The following VPS50 variants were observed in gnomAD, a reference collection of about 807,000 sequenced individuals.
The protein encoded by VPS50 is VPS50 subunit of EARP/GARPII complex, also known as syndetin.
VPS50 carries 70 observed loss-of-function variants against 139.7 expected under a neutral mutation model. The ratio of observed to expected loss-of-function variants is 0.50; its 90% CI spans 0.41 to 0.61. The LOEUF is 0.61. Among genes scored for constraint, VPS50 ranks in the 20% least tolerant of loss-of-function variants. The probability of loss-of-function intolerance (pLI) is 0.00; values close to 1 mark genes in which losing one functional copy is unlikely to be tolerated. For missense variants in VPS50, 921 were observed against 1,133.7 expected, an observed-to-expected ratio of 0.81 and a Z score of 2.69; for synonymous variants, 365 against 376.7, an observed-to-expected ratio of 0.97 and a Z score of 0.36.
At chr7:93,270,290 G>C (rs1029712500) in intron 9 of VPS50, among the ~76,000 whole-genome samples, 1 of 151,614 alleles carries the variant, frequency 6.6e-6, no homozygotes, top group East Asian at 1.9e-4. Flanking sequence ...CAAACTTCTC[G>C]CATGTCTCAT....
At chr7:93,235,836 G>A (rs992197700) in intron 1 of VPS50, among the ~76,000 whole-genome samples, 1 of 152,162 alleles carries the variant, frequency 6.6e-6, no homozygotes, top group African/African-American at 2.4e-5. Context: ...CGAATCCAGG[G>A]TATAGCTGAA....
rs963818644 is a variant in VPS50 at position 93,360,341 on chromosome 7, A to G, written c.*1905A>G. On this transcript the variant is annotated 3_prime_UTR_variant, in exon 28 of 28. Coordinates refer to ENST00000305866, the MANE Select transcript of VPS50 (RefSeq NM_017667.4). Reference sequence around the variant, plus strand: ...TGCAATCTGACAGACCTTTTAACCTACCCTTACTTTGCTTTCTCCATCTTC... The same window carrying G: ...TGCAATCTGACAGACCTTTTAACCTGCCCTTACTTTGCTTTCTCCATCTTC... 6.7e-6 allele frequency: 1 copy of G among 149,154 alleles called. No homozygotes were observed. Among genetic ancestry groups the G allele is most frequent in the Non-Finnish European group, 1.5e-5 (1 of 67,392 alleles). The allele number at this position is 149,154 out of a possible 1,614,324, so 9.2% of individuals were successfully genotyped here.
chr7:93,235,656 C>G (rs1388219956), intron 1 of VPS50, among the ~76,000 whole-genome samples: 1 of 152,116 alleles, frequency 6.6e-6, no homozygotes, highest in Non-Finnish European at 1.5e-5. Context: ...ATAGTTTGGC[C>G]CTAGCAATTG....
intron 20 of VPS50, among the ~76,000 whole-genome samples, chr7:93,319,213 T>G (rs1294683512): frequency 1.3e-5 from 2 of 152,310 alleles, no homozygotes; most frequent in East Asian, 3.9e-4. Flanking sequence ...ACACAGTAAA[T>G]TAAACTTCTG....
At chr7:93,240,216 TGC>T (rs1491516323) in intron 2 of VPS50, among the ~76,000 whole-genome samples, 1 of 121,884 alleles carries the variant, frequency 8.2e-6, no homozygotes, top group African/African-American at 3.8e-5. Context: ...TATATGTGTA[TGC>T]ACACACACAC....
intron 12 of VPS50, among the ~76,000 whole-genome samples, chr7:93,283,247 A>C (rs1233274008): frequency 7.7e-6 from 1 of 129,626 alleles, no homozygotes; most frequent in Non-Finnish European, 1.6e-5. Flanking sequence ...TTTTTTTTTG[A>C]GGCGGAGTCT....
At chr7:93,283,334 T>A (rs966962352) in intron 12 of VPS50, among the ~76,000 whole-genome samples, 20 of 151,962 alleles carry the variant, frequency 1.3e-4, no homozygotes, top group African/African-American at 3.9e-4. Context: ...TTCAACAGGT[T>A]CAAGTGATCC....
At position 93,296,739 on chromosome 7, in the gene VPS50, C is replaced by A. The variant is rs1185544678; in HGVS notation, c.1168-3C>A. ...CTTGATTTTCTTTTTCTTTGCCTTA[C>A]AGGATGTTCAGCTAAAAGTAAAAAC... On this transcript the variant is annotated splice_region_variant and splice_polypyrimidine_tract_variant and intron_variant, in intron 14 of 27. Coordinates refer to ENST00000305866, the MANE Select transcript of VPS50 (RefSeq NM_017667.4). 6.2e-7 allele frequency: 1 copy of A among 1,600,002 alleles called. No individual in the cohort carries two copies. The highest frequency in any genetic ancestry group is 2.2e-5 in the East Asian group (1 of 44,452).
intron 23 of VPS50, among the ~76,000 whole-genome samples, chr7:93,345,601 C>T (rs1798367168): frequency 6.6e-6 from 1 of 152,138 alleles, no homozygotes; most frequent in African/African-American, 2.4e-5. Flanking sequence ...AAACCGAATC[C>T]AGCAGCACAT....
chr7:93,307,073 A>G (rs1452210979), intron 18 of VPS50, among the ~76,000 whole-genome samples: 1 of 151,920 alleles, frequency 6.6e-6, no homozygotes, highest in Admixed American at 6.6e-5. Flanking sequence ...CTTAGATAGC[A>G]TTTGATTCTC....
intron 2 of VPS50, among the ~76,000 whole-genome samples, chr7:93,249,115 C>T (rs142083160): frequency 3.3e-5 from 5 of 151,976 alleles, no homozygotes; most frequent in African/African-American, 1.2e-4. Flanking sequence ...GTTGTATGCT[C>T]TCTGTGATAC....
intron 12 of VPS50, among the ~76,000 whole-genome samples, chr7:93,281,532 A>G (rs1263412326): frequency 6.6e-6 from 1 of 152,088 alleles, no homozygotes; most frequent in Admixed American, 6.5e-5. Context: ...CATGTTTAGT[A>G]CCCATTTTGT....
intron 20 of VPS50, chr7:93,320,884 C>T (rs1384999873): frequency 1.3e-5 from 2 of 152,422 alleles, no homozygotes; most frequent in Admixed American, 1.3e-4. Context: ...AGTTACTGTC[C>T]TAGTGAATAG....
At chr7:93,324,959 T>G (rs1584471066) in intron 21 of VPS50, among the ~76,000 whole-genome samples, 1 of 152,014 alleles carries the variant, frequency 6.6e-6, no homozygotes, top group Non-Finnish European at 1.5e-5. Flanking sequence ...AAAGTTCATA[T>G]GGAACCAAAA....
rs532675190 is a variant in VPS50 at position 93,303,863 on chromosome 7, A to T, written c.1452+313A>T. Among the ~76,000 whole-genome samples, 3 of 151,944 alleles carry T rather than the reference A, an allele frequency of 2.0e-5. No individual in the cohort carries two copies. In the South Asian group the frequency reaches 6.2e-4, roughly 32 times the overall value. On this transcript the variant is annotated intron_variant, in intron 17 of 27. Coordinates refer to ENST00000305866, the MANE Select transcript of VPS50 (RefSeq NM_017667.4). ...TCAGAAAAGGGTGACTGCTGTATTT[A>T]AGTTTTGCAGATAATCAATTAGCTA...
At chr7:93,329,186 A>G (rs1009537059) in intron 21 of VPS50, among the ~76,000 whole-genome samples, 3 of 152,210 alleles carry the variant, frequency 2.0e-5, no homozygotes, top group African/African-American at 7.2e-5. Flanking sequence ...CTTGTCTTCA[A>G]TGAATTAAAA....
At chr7:93,237,388 T>C (rs1794843780) in intron 1 of VPS50, among the ~76,000 whole-genome samples, 1 of 152,232 alleles carries the variant, frequency 6.6e-6, no homozygotes, top group South Asian at 2.1e-4. Flanking sequence ...CCCATTGCTA[T>C]AATCACTTCA....
intron 11 of VPS50, 102 bp from the exon 12 acceptor site, chr7:93,276,063 A>G (rs1796143327): frequency 9.3e-7 from 1 of 1,070,700 alleles, no homozygotes; most frequent in African/African-American, 1.6e-5. Flanking sequence ...TTTGTGTTGT[A>G]ACTATTATTT....
chr7:93,272,833 T>G (rs1796048901), intron 11 of VPS50, 100 bp downstream of exon 11: 1 of 588,798 alleles, frequency 1.7e-6, no homozygotes. Context: ...TTAAAAAGTT[T>G]TATTTAACGA....
Sources: gnomAD v4.1 joint callset for allele counts (sites outside exome capture counted in the v4.1 genomes callset) on GRCh38, gnomAD v4.1.1 for gene constraint, MANE v1.5 for transcripts, NCBI Gene and HGNC (gene_info 2026-07-23, HGNC 2026-07-21) for gene names.